The following C1orf53 variants were observed in gnomAD, a reference collection of about 807,000 sequenced individuals.
C1orf53 encodes chromosome 1 open reading frame 53, also known as uncharacterized protein C1orf53.
A neutral mutation model predicts 17.5 loss-of-function variants in C1orf53; 23 were observed. That is an observed-to-expected ratio of 1.31 (90% CI 0.94 to 1.86). The LOEUF (loss-of-function observed/expected upper bound fraction) is 1.86. C1orf53 is among the 40% of genes most tolerant of loss of function. The pLI is 0.00. For missense variants in C1orf53, 255 were observed against 193.2 expected (o/e 1.32, Z -1.89); for synonymous variants, 108 against 81.9 (o/e 1.32, Z -1.72).
Position 197,902,856 on chromosome 1 carries a change from C to T in C1orf53, c.207C>T (p.Ser69=). The change falls in exon 1 of 3, where the codon AGC becomes AGT. Residue 69 remains serine, a synonymous_variant. Coordinates refer to ENST00000367393, the MANE Select transcript of C1orf53 (RefSeq NM_001024594.3). ...AGAGAGCGGCGAGGCCTTCGGTGAG[C>T]GAAGAGTTAACCGCGGCGGAGCGAC... is the stretch of plus-strand genomic sequence containing the variant. ...RPERAARPSV[S]EELTAAERQI... is the part of the protein sequence containing the mutation. 6.5e-7 allele frequency: 1 copy of T among 1,541,000 alleles called. No homozygotes were observed. Among genetic ancestry groups the T allele is most frequent in the Non-Finnish European group, 8.7e-7 (1 of 1,150,358 alleles).
intron 2 of C1orf53, 141 bp from the exon 3 acceptor site, chr1:197,907,008 T>TGCCTGAGG: frequency 2.0e-6 from 1 of 488,906 alleles, no homozygotes; most frequent in Non-Finnish European, 3.6e-6. Context: ...TGCCAATATT[T>TGCCTGAGG]TTCTCTTAGT....
rs535064024 is a variant in C1orf53 at position 197,902,774 on chromosome 1, GC to G, written c.128del (p.Pro43LeufsTer26). The G allele has an allele frequency of 9.5e-5, 150 of 1,579,012 alleles. 1 individual carries two copies. The African/African-American group carries it at 1.8e-3, about 19-fold the overall frequency. On this transcript the variant is annotated frameshift_variant, in exon 1 of 3. Coordinates refer to ENST00000367393, the MANE Select transcript of C1orf53 (RefSeq NM_001024594.3). LOFTEE classifies it high-confidence loss of function. Reference sequence around the variant, plus strand: ...CGACAGCAGCTCAGCTTAACCCTCTGCCCTGCTAACGAGGGAAACTGCGGCG... The same window carrying G: ...CGACAGCAGCTCAGCTTAACCCTCTGCCTGCTAACGAGGGAAACTGCGGCG... Reference protein sequence around the residue: ...GFRQQLSLTLCPANEGNCGGS... With the variant: ...GFRQQLSLTLXPANEGNCGGS...
intron 1 of C1orf53, 146 bp from the exon 2 acceptor site, chr1:197,905,650 C>T: frequency 3.3e-6 from 2 of 609,072 alleles, no homozygotes; most frequent in South Asian, 2.0e-5. Flanking sequence ...TGCATTTGGT[C>T]TTTAATTGCA....
In C1orf53 at chr1:197,907,243, T is replaced by G; in HGVS notation, c.*23T>G. The G allele has an allele frequency of 7.4e-7, 1 of 1,360,372 alleles. No individual in the cohort carries two copies. The highest frequency in any genetic ancestry group is 1.3e-5 in the South Asian group (1 of 78,538). The allele number at this position is 1,360,372 out of a possible 1,614,324, so 84.3% of individuals were successfully genotyped here. ...TGACAAGAATTTCATCTCTGTTCCC[T>G]AACTGTGCTTGTATTTTTTAAAAAA... On this transcript the variant is annotated 3_prime_UTR_variant, in exon 3 of 3. Coordinates refer to ENST00000367393, the MANE Select transcript of C1orf53 (RefSeq NM_001024594.3).
rs1040500033 is a variant in C1orf53 at position 197,905,853 on chromosome 1, G to A, written c.322G>A (p.Ala108Thr). 6.2e-7 allele frequency: 1 copy of A among 1,613,936 alleles called. No individual in the cohort carries two copies. The highest frequency in any genetic ancestry group is 8.5e-7 in the Non-Finnish European group (1 of 1,179,842). The change falls in exon 2 of 3, where the codon GCC (alanine) becomes ACC (threonine). Residue 108 changes from alanine to threonine, a missense_variant. Physicochemically the swap from Ala to Thr is moderately conservative, Grantham distance 58. Coordinates refer to ENST00000367393, the MANE Select transcript of C1orf53 (RefSeq NM_001024594.3). ...TGGCTATGTGGTGCTCACACAGATT[G>A]CCCACTTGCAAAGAGGTGAATGTTG... ...ATGYVVLTQI[A>T]HLQRGECCGS...
At chr1:197,906,038 A>C in intron 2 of C1orf53, 141 bp downstream of exon 2, 2 of 660,498 alleles carry the variant, frequency 3.0e-6, no homozygotes, top group East Asian at 5.2e-5. Context: ...AGCCAACGAC[A>C]ATGAAGTCCT....
intron 1 of C1orf53, 77 bp from the exon 2 acceptor site, chr1:197,905,719 T>C: frequency 9.6e-7 from 1 of 1,043,386 alleles, no homozygotes; most frequent in Middle Eastern, 2.1e-4. Flanking sequence ...TCTGCAGTAT[T>C]TTATGTGTAG....
Position 197,902,795 on chromosome 1 carries a change from G to T in C1orf53, c.146G>T (p.Cys49Phe). 1 of 1,580,630 alleles carries T rather than the reference G, an allele frequency of 6.3e-7. No homozygotes were observed. The change falls in exon 1 of 3, where the codon TGC (cysteine) becomes TTC (phenylalanine). Residue 49 changes from cysteine to phenylalanine, a missense_variant. Cys to Phe is a radical substitution (Grantham distance 205). Transcript: ENST00000367393. ...CTCTGCCCTGCTAACGAGGGAAACT[G>T]CGGCGGCTCCGCGCCCAGCACGCCC... ...LTLCPANEGN[C>F]GGSAPSTPGR...
intron 1 of C1orf53, among the ~76,000 whole-genome samples, chr1:197,903,493 T>C (rs567146126): frequency 1.3e-5 from 2 of 152,372 alleles, no homozygotes; most frequent in African/African-American, 4.8e-5. Flanking sequence ...AATTGTCTGT[T>C]AGTACCAGTA....
chr1:197,904,026 C>A (rs1659482498), intron 1 of C1orf53, among the ~76,000 whole-genome samples: 1 of 152,212 alleles, frequency 6.6e-6, no homozygotes, highest in Non-Finnish European at 1.5e-5. Context: ...AGGAAAGGAA[C>A]TTTTTCTCAC....
intron 1 of C1orf53, 69 bp from the exon 2 acceptor site, chr1:197,905,727 T>C: frequency 9.1e-7 from 1 of 1,098,492 alleles, no homozygotes. Context: ...ATTTTATGTG[T>C]AGACATTATG....
Position 197,902,664 on chromosome 1 carries a change from G to C in C1orf53, c.15G>C (p.Gln5His). The C allele has an allele frequency of 6.8e-7, 1 of 1,475,330 alleles. No individual in the cohort carries two copies. The highest frequency in any genetic ancestry group is 8.9e-7 in the Non-Finnish European group (1 of 1,119,274). 91.4% of individuals were successfully genotyped at this position (1,475,330 alleles called of 1,614,324 possible). A position where few individuals can be genotyped will look rare whatever the true frequency, so the allele number is the denominator to read the frequency against. MAAR[Q>H]IWARTGAALC... ...CCGGCGGCGGCATGGCGGCCAGGCAGATCTGGGCACGGACGGGTGCCGCGC... is the reference window on the plus strand; with the variant it reads ...CCGGCGGCGGCATGGCGGCCAGGCACATCTGGGCACGGACGGGTGCCGCGC... Residue 5 changes from glutamine (Q) to histidine (H), a missense_variant, in exon 1 of 3, where the codon CAG (glutamine) becomes CAC (histidine). By Grantham distance (24) the Gln-to-His change is conservative. Coordinates refer to ENST00000367393, the MANE Select transcript of C1orf53 (RefSeq NM_001024594.3).
In C1orf53 at chr1:197,902,898, C is replaced by T. The variant is rs745790473; in HGVS notation, c.249C>T (p.His83=). 2.7e-6 allele frequency: 4 copies of T among 1,478,332 alleles called. No homozygotes were observed. The highest frequency in any genetic ancestry group is 1.3e-5 in the South Asian group (1 of 78,272). The allele number at this position is 1,478,332 out of a possible 1,614,324, so 91.6% of individuals were successfully genotyped here. ...CGGAGCGACAGATCGCGGAGCTGCA[C>T]GCTGCCGCCTGCGCGGTGAGACTCC... ...TAAERQIAEL[H]AAACAAGQLN... Residue 83 remains histidine, a synonymous_variant, in exon 1 of 3, where the codon CAC becomes CAT. Coordinates refer to ENST00000367393, the MANE Select transcript of C1orf53 (RefSeq NM_001024594.3).
At position 197,902,918 on chromosome 1, in the gene C1orf53, G is replaced by C. The variant is rs533764349; in HGVS notation, c.264+5G>C. The C allele has an allele frequency of 6.9e-6, 10 of 1,442,154 alleles. No individual in the cohort carries two copies. The highest frequency in any genetic ancestry group is 1.5e-5 in the African/African-American group (1 of 67,768). 89.3% of individuals were successfully genotyped at this position (1,442,154 alleles called of 1,614,324 possible). A position where few individuals can be genotyped will look rare whatever the true frequency, so the allele number is the denominator to read the frequency against. The stretch of plus-strand genomic sequence containing the variant: ...CTGCACGCTGCCGCCTGCGCGGTGA[G>C]ACTCCCTCCTGCCCGCCCCGCCCCG... On this transcript the variant is annotated splice_donor_5th_base_variant and intron_variant, in intron 1 of 2. Coordinates refer to ENST00000367393, the MANE Select transcript of C1orf53 (RefSeq NM_001024594.3).
intron 1 of C1orf53, among the ~76,000 whole-genome samples, chr1:197,904,463 A>G (rs1423233843): frequency 6.6e-6 from 1 of 152,206 alleles, no homozygotes; most frequent in Non-Finnish European, 1.5e-5. Flanking sequence ...CCCAGAAGCT[A>G]TGAAAAGTAA....
chr1:197,903,061 G>A, intron 1 of C1orf53, 148 bp downstream of exon 1: 1 of 690,110 alleles, frequency 1.4e-6, no homozygotes, highest in Non-Finnish European at 2.1e-6. Context: ...GGCGACATTC[G>A]CGCACGCACA....
intron 1 of C1orf53, 159 bp from the exon 2 acceptor site, chr1:197,905,637 G>T: frequency 3.4e-6 from 2 of 593,804 alleles, no homozygotes; most frequent in Non-Finnish European, 6.0e-6. Flanking sequence ...TATAATGCTG[G>T]AGTGCATTTG....
intron 1 of C1orf53, among the ~76,000 whole-genome samples, chr1:197,904,784 A>G (rs149055228): frequency 1.3e-3 from 191 of 152,326 alleles, no homozygotes; most frequent in African/African-American, 4.5e-3. Context: ...CATGAAACAT[A>G]TTGGGTTAAA....
intron 1 of C1orf53, among the ~76,000 whole-genome samples, chr1:197,904,888 A>G (rs772017912): frequency 8.5e-6 from 1 of 117,670 alleles, no homozygotes; most frequent in Non-Finnish European, 1.7e-5. Flanking sequence ...AAGACATGCA[A>G]GTTTCATGTG....
Sources: gnomAD v4.1 joint callset for allele counts (sites outside exome capture counted in the v4.1 genomes callset) on GRCh38, gnomAD v4.1.1 for gene constraint, MANE v1.5 for transcripts, NCBI Gene and HGNC (gene_info 2026-07-23, HGNC 2026-07-21) for gene names.